The following DMGDH variants were observed in gnomAD, a reference collection of about 807,000 sequenced individuals.
The protein encoded by DMGDH is dimethylglycine dehydrogenase.
DMGDH carries 76 observed loss-of-function variants against 95.2 expected under a neutral mutation model. The observed-to-expected ratio is 0.80, with a 90% confidence interval of 0.66 to 0.97. DMGDH has a LOEUF of 0.97. Ranked by LOEUF, DMGDH falls within the 50% of genes least tolerant of loss-of-function variation. The pLI, the probability that DMGDH is intolerant of heterozygous loss-of-function variation, is 0.00. For synonymous variants in DMGDH, 345 were observed against 377.6 expected, an observed-to-expected ratio of 0.91 and a Z score of 1.00; for missense variants, 987 against 1,055.0, an observed-to-expected ratio of 0.94 and a Z score of 0.89.
chr5:79,042,956 C>T (rs1433189561), intron 6 of DMGDH, among the ~76,000 whole-genome samples: 1 of 152,164 alleles, frequency 6.6e-6, no homozygotes, highest in Non-Finnish European at 1.5e-5. Context: ...TTTTAACTCT[C>T]CTTTCAGCAA....
At chr5:79,046,885 AT>A (rs1754691103) in intron 5 of DMGDH, among the ~76,000 whole-genome samples, 1 of 152,250 alleles carries the variant, frequency 6.6e-6, no homozygotes, top group Non-Finnish European at 1.5e-5. Flanking sequence ...ATTGAAAAAA[AT>A]AAGTTCTGCC....
chr5:79,012,522 G>C (rs1289635854), intron 14 of DMGDH, among the ~76,000 whole-genome samples: 1 of 152,232 alleles, frequency 6.6e-6, no homozygotes, highest in East Asian at 1.9e-4. Flanking sequence ...TGGGGACTCT[G>C]TGTGGGGGCT....
chr5:79,033,431 AC>A, intron 7 of DMGDH, 23 bp from the exon 8 acceptor site: 1 of 1,613,482 alleles, frequency 6.2e-7, no homozygotes, highest in African/African-American at 1.3e-5. Context: ...GGGATAGAAA[AC>A]CCATTACTAA....
chr5:78,997,966 C>T lies in DMGDH; in HGVS notation c.*116G>A. The T allele has an allele frequency of 9.0e-7, 1 of 1,105,030 alleles. No homozygotes were observed. Among genetic ancestry groups the T allele is most frequent in the Non-Finnish European group, 1.3e-6 (1 of 747,424 alleles). The allele number at this position is 1,105,030 out of a possible 1,614,324, so 68.5% of individuals were successfully genotyped here. ...GTTTCATTAAGATTCTAAATTTAGACTTTGATGATTTTGAAATGAATTCCT... is the reference window on the plus strand; with the variant it reads ...GTTTCATTAAGATTCTAAATTTAGATTTTGATGATTTTGAAATGAATTCCT... On this transcript the variant is annotated 3_prime_UTR_variant, in exon 16 of 16. Coordinates refer to ENST00000255189, the MANE Select transcript of DMGDH (RefSeq NM_013391.3).
chr5:79,047,246 T>C (rs889145346), intron 5 of DMGDH, among the ~76,000 whole-genome samples: 6 of 152,184 alleles, frequency 3.9e-5, no homozygotes, highest in Admixed American at 3.9e-4. Context: ...TAAAAATGAC[T>C]ACTGGAAATG....
intron 4 of DMGDH, among the ~76,000 whole-genome samples, chr5:79,053,730 C>T (rs188758609): frequency 6.6e-6 from 1 of 152,330 alleles, no homozygotes; most frequent in East Asian, 1.9e-4. Context: ...GTACCTAGCA[C>T]AGAGTCTGTA....
At position 79,045,120 on chromosome 5, in the gene DMGDH, T is replaced by A. The variant is rs193016568; in HGVS notation, c.746-568A>T. On this transcript the variant is annotated intron_variant, in intron 5 of 15. Coordinates refer to ENST00000255189, the MANE Select transcript of DMGDH (RefSeq NM_013391.3). ...TTAAGCTAAAATTGAAAATGGTGCA[T>A]ACTTCGGGAGAGAAAGCACATTAAG... 5.9e-5 allele frequency among the ~76,000 whole-genome samples: 9 copies of A among 152,366 alleles called. No homozygotes were observed. The East Asian group carries it at 1.7e-3, about 29-fold the overall frequency.
At chr5:79,047,988 G>A (rs1754730540) in intron 5 of DMGDH, among the ~76,000 whole-genome samples, 1 of 152,136 alleles carries the variant, frequency 6.6e-6, no homozygotes, top group African/African-American at 2.4e-5. Context: ...CAGAATCGGT[G>A]CTGGATTCTG....
Position 79,028,625 on chromosome 5 carries a change from C to T in DMGDH, c.1840G>A (p.Gly614Ser). ...TTTTTAATTTCAACATCATATCCAC[C>T]TTTGACTGCTTCTTCTTCAATCCAT... ...LRWIEEEAVK[G>S]GYDVEIKNIT... is the part of the protein sequence containing the mutation. The change falls in exon 12 of 16, where the codon GGT becomes AGT. Residue 614 changes from glycine (G) to serine (S), a missense_variant. Transcript: ENST00000255189. 1 of 1,614,146 alleles carries T rather than the reference C, an allele frequency of 6.2e-7. No individual in the cohort carries two copies. The highest frequency in any genetic ancestry group is 8.5e-7 in the Non-Finnish European group (1 of 1,180,014).
chr5:79,054,392 T>C (rs1469656802), intron 3 of DMGDH, 44 bp from the exon 4 acceptor site: 1 of 1,596,530 alleles, frequency 6.3e-7, no homozygotes, highest in Admixed American at 1.7e-5. Context: ...AAGTCATTGT[T>C]TGGTACTCAA....
intron 7 of DMGDH, among the ~76,000 whole-genome samples, chr5:79,034,989 G>A (rs906826612): frequency 3.4e-5 from 5 of 148,944 alleles, no homozygotes; most frequent in African/African-American, 5.0e-5. Flanking sequence ...CCTGGGAGGC[G>A]GAGCTTGCAG....
rs775984317 is a variant in DMGDH at position 79,063,688 on chromosome 5, G to C, written c.201C>G (p.His67Gln). Residue 67 changes from histidine (H) to glutamine (Q), a missense_variant, in exon 2 of 16, where the codon CAC becomes CAG. Physicochemically the swap from His to Gln is conservative, Grantham distance 24. Coordinates refer to ENST00000255189, the MANE Select transcript of DMGDH (RefSeq NM_013391.3). Reference protein sequence around the residue: ...GGCVGVSLAYHLAKAGMKDVV... With the variant: ...GGCVGVSLAYQLAKAGMKDVV... ...CATCTTTCATCCCTGCTTTGGCCAG[G>C]TGATAAGCCAGACTCACACCAACAC... The C allele has an allele frequency of 3.7e-6, 6 of 1,614,174 alleles. No homozygotes were observed. Among genetic ancestry groups the C allele is most frequent in the Non-Finnish European group, 5.1e-6 (6 of 1,180,034 alleles).
Position 79,005,357 on chromosome 5 carries a change from C to T in DMGDH, c.2301G>A (p.Gly767=), listed in dbSNP as rs890939556. Residue 767 remains glycine (G), a synonymous_variant, in exon 15 of 16, where the codon GGG becomes GGA. Coordinates refer to ENST00000255189, the MANE Select transcript of DMGDH (RefSeq NM_013391.3). ...KQALKQIKAK[G]LKRRLVCLTL... is the part of the protein sequence containing the mutation. Reference sequence around the variant, plus strand: ...TGAGGCAGACCAGTCTTCGTTTCAGCCCCTTGGCTTTAATCTGTTTCAGTG... The same window carrying T: ...TGAGGCAGACCAGTCTTCGTTTCAGTCCCTTGGCTTTAATCTGTTTCAGTG... 2.5e-6 allele frequency: 4 copies of T among 1,613,880 alleles called. No individual in the cohort carries two copies. The highest frequency in any genetic ancestry group is 2.7e-5 in the African/African-American group (2 of 74,920).
At chr5:79,000,488 T>C in intron 15 of DMGDH, 1 of 608,502 alleles carries the variant, frequency 1.6e-6, no homozygotes, top group South Asian at 1.4e-5. Flanking sequence ...AAAGTACTTA[T>C]TCGGTCTGTA....
At chr5:79,021,145 C>T in intron 14 of DMGDH, 2 of 986,878 alleles carry the variant, frequency 2.0e-6, no homozygotes, top group East Asian at 1.1e-4. Context: ...TTATTTTTAC[C>T]GCAGCTTTGG....
rs776872005 is a variant in DMGDH, at chr5:79,005,420, A to C, written c.2251-13T>G. The C allele has an allele frequency of 6.2e-7, 1 of 1,614,088 alleles. No homozygotes were observed. The highest frequency in any genetic ancestry group is 8.5e-7 in the Non-Finnish European group (1 of 1,180,004). ...TGAAGTCTGCTGGCTGCAGGAATCC[A>C]AGATAATGATGATGAATGAATGCTC... On this transcript the variant is annotated splice_polypyrimidine_tract_variant and intron_variant, in intron 14 of 15. Coordinates refer to ENST00000255189, the MANE Select transcript of DMGDH (RefSeq NM_013391.3).
chr5:79,006,917 A>T (rs571645995), intron 14 of DMGDH, among the ~76,000 whole-genome samples: 1 of 150,814 alleles, frequency 6.6e-6, no homozygotes, highest in Non-Finnish European at 1.5e-5. Flanking sequence ...ATTTCTATGG[A>T]TAATCCAACT....
At position 79,000,992 on chromosome 5, in the gene DMGDH, G is replaced by A. The variant is rs1387976750; in HGVS notation, c.2386-2695C>T. On this transcript the variant is annotated intron_variant, in intron 15 of 15. Coordinates refer to ENST00000255189, the MANE Select transcript of DMGDH (RefSeq NM_013391.3). ...GTGTCCATTTGGGGTCATCTATATC[G>A]TAGCTAATTCTAATACAAAATATTT... is the stretch of plus-strand genomic sequence containing the variant. 6.4e-5 allele frequency: 45 copies of A among 702,060 alleles called. 1 individual carries two copies. In the East Asian group the frequency reaches 7.8e-4, roughly 12 times the overall value. The allele number at this position is 702,060 out of a possible 1,614,324, so 43.5% of individuals were successfully genotyped here. A position where few individuals can be genotyped will look rare whatever the true frequency, so the allele number is the denominator to read the frequency against.
intron 13 of DMGDH, among the ~76,000 whole-genome samples, 172 bp from the exon 14 acceptor site, chr5:79,024,502 T>C (rs1753946410): frequency 2.0e-5 from 3 of 152,222 alleles, no homozygotes; most frequent in African/African-American, 7.2e-5. Flanking sequence ...CAAAATTCGA[T>C]GTAGCCTTTC....
Sources: gnomAD v4.1 joint callset for allele counts (sites outside exome capture counted in the v4.1 genomes callset) on GRCh38, gnomAD v4.1.1 for gene constraint, MANE v1.5 for transcripts, NCBI Gene and HGNC (gene_info 2026-07-23, HGNC 2026-07-21) for gene names.